The following AOPEP variants were observed in gnomAD, a reference collection of about 807,000 sequenced individuals.
AOPEP encodes aminopeptidase O.
AOPEP carries 77 observed loss-of-function variants against 98.1 expected under a neutral mutation model. That is an observed-to-expected ratio of 0.78 (90% CI 0.65 to 0.95). The LOEUF (loss-of-function observed/expected upper bound fraction) is 0.95, where lower values mean the gene tolerates loss of function less well. Ranked by LOEUF, AOPEP falls within the 40% of genes least tolerant of loss-of-function variation. The pLI, the probability that AOPEP is intolerant of heterozygous loss-of-function variation, is 0.00. For missense variants in AOPEP, 1,024 were observed against 1,024.7 expected, an observed-to-expected ratio of 1.00 and a Z score of 0.01; for synonymous variants, 346 against 365.3, an observed-to-expected ratio of 0.95 and a Z score of 0.60.
At chr9:95,101,047 G>A in the AOPEP span, 82 of 233,938 alleles carry the variant, frequency 3.5e-4, no homozygotes, top group African/African-American at 1.0e-3. Flanking sequence ...TTCGCCTGCC[G>A]GCTCCTCTGA....
chr9:95,019,467 T>C (rs1270895138), intron 13 of AOPEP: 2 of 152,236 alleles, frequency 1.3e-5, no homozygotes, highest in African/African-American at 4.8e-5. Flanking sequence ...TTGAAGTTCC[T>C]TTAAAGGCTG....
At chr9:95,134,895 G>A in the AOPEP span, among the ~76,000 whole-genome samples, 1 of 152,374 alleles carries the variant, frequency 6.6e-6, no homozygotes, top group East Asian at 1.9e-4. Flanking sequence ...ACTTACAGAA[G>A]TCTTAGCTGG....
intron 3 of AOPEP, among the ~76,000 whole-genome samples, chr9:94,792,438 C>T (rs545043502): frequency 2.0e-5 from 3 of 152,114 alleles, no homozygotes; most frequent in East Asian, 3.9e-4. Context: ...ATGAATGAGA[C>T]GTATTCTGTC....
intron 14 of AOPEP, among the ~76,000 whole-genome samples, chr9:95,074,104 T>C (rs1005156687): frequency 2.6e-5 from 4 of 152,156 alleles, no homozygotes; most frequent in Middle Eastern, 3.2e-3. Context: ...AGCCCCATCC[T>C]CATAGCCAGT....
At chr9:94,734,323 A>G (rs1473327261) in intron 1 of AOPEP, among the ~76,000 whole-genome samples, 2 of 152,198 alleles carry the variant, frequency 1.3e-5, no homozygotes, top group Non-Finnish European at 2.9e-5. Context: ...AATGTCCTAC[A>G]GAGAAGGACA....
At position 95,001,181 on chromosome 9, in the gene AOPEP, C is replaced by G. The variant is rs117613121; in HGVS notation, c.1978-3977C>G. On this transcript the variant is annotated intron_variant, in intron 11 of 16. Transcript: ENST00000375315. ...ATTTTTCCAGTGATAGGAGGAATTT[C>G]TTCTTTGTCTAAGAAAAGGAAGAAA... Among the ~76,000 whole-genome samples, 119 of 152,310 alleles carry G rather than the reference C, an allele frequency of 7.8e-4. 3 individuals are homozygous for G. The East Asian group carries it at 0.022, about 29-fold the overall frequency.
In AOPEP at chr9:94,990,638, A is replaced by AATTT. The variant is rs1342926924; in HGVS notation, c.1977+11212_1977+11215dup. ...TAATTAATTAATTAATTAATTAATT[A>AATTT]ATTTCTGAGGTGGAGTTTCACTGTC... On this transcript the variant is annotated intron_variant, in intron 11 of 16. Transcript: ENST00000375315. Among the ~76,000 whole-genome samples the AATTT allele has an allele frequency of 4.8e-4, 68 of 141,126 alleles. 1 individual carries two copies. Among genetic ancestry groups the AATTT allele is most frequent in the African/African-American group, 1.7e-3 (66 of 39,374 alleles). 92.6% of individuals were successfully genotyped at this position (141,126 alleles called of 152,430 possible). A position where few individuals can be genotyped will look rare whatever the true frequency, so the allele number is the denominator to read the frequency against.
At chr9:95,150,078 G>A in the AOPEP span, 47 of 1,613,910 alleles carry the variant, frequency 2.9e-5, no homozygotes, top group East Asian at 1.3e-4. Flanking sequence ...CCACTCGCTC[G>A]GGAGCCATTC....
chr9:94,920,543 T>C (rs2053473253), intron 5 of AOPEP, among the ~76,000 whole-genome samples: 1 of 152,134 alleles, frequency 6.6e-6, no homozygotes, highest in Non-Finnish European at 1.5e-5. Flanking sequence ...AGATGGGCCG[T>C]GCTGGTCAGG....
intron 5 of AOPEP, among the ~76,000 whole-genome samples, chr9:94,805,483 TGTTTTTTG>T (rs1292872158): frequency 2.7e-5 from 4 of 147,458 alleles, no homozygotes; most frequent in African/African-American, 1.1e-4. Flanking sequence ...TTTTGTTTTT[TGTTTTTTG>T]TTTTTTTTTT....
At chr9:94,749,919 T>C (rs1283197007) in intron 1 of AOPEP, among the ~76,000 whole-genome samples, 1 of 96,120 alleles carries the variant, frequency 1.0e-5, no homozygotes, top group Non-Finnish European at 1.9e-5. Flanking sequence ...ATGTCTAGTA[T>C]TATGTTTTAT....
At chr9:95,003,982 CTG>C (rs2061735730) in intron 11 of AOPEP, 1 of 266,016 alleles carries the variant, frequency 3.8e-6, no homozygotes, top group South Asian at 3.7e-5. Context: ...TTAAGCTCCT[CTG>C]TGTAAAATAC....
chr9:94,871,578 G>A (rs1422581673), intron 5 of AOPEP, among the ~76,000 whole-genome samples: 2 of 152,040 alleles, frequency 1.3e-5, no homozygotes, highest in Non-Finnish European at 2.9e-5. Flanking sequence ...TGGCATTCCA[G>A]CACACTTGAA....
chr9:94,917,481 C>T (rs1043066133), intron 5 of AOPEP, among the ~76,000 whole-genome samples: 3 of 152,208 alleles, frequency 2.0e-5, no homozygotes, highest in Non-Finnish European at 2.9e-5. Context: ...GAGCCTTTCC[C>T]TGGCCCCCAT....
At chr9:95,018,537 A>G (rs2063193573) in intron 13 of AOPEP, among the ~76,000 whole-genome samples, 2 of 152,160 alleles carry the variant, frequency 1.3e-5, no homozygotes, top group Non-Finnish European at 2.9e-5. Flanking sequence ...AGTTGTAGCA[A>G]CCTGCTTTTG....
chr9:94,979,551 A>C (rs2060050915), intron 11 of AOPEP, 124 bp downstream of exon 11: 7 of 642,748 alleles, frequency 1.1e-5, no homozygotes, highest in Non-Finnish European at 1.4e-5. Flanking sequence ...ACTGAGTGCA[A>C]GTATCTGTAA....
intron 11 of AOPEP, among the ~76,000 whole-genome samples, chr9:94,992,378 C>T (rs1271597667): frequency 6.6e-6 from 1 of 152,184 alleles, no homozygotes; most frequent in East Asian, 1.9e-4. Context: ...GTATTTTCTG[C>T]TTCTGATCCT....
the AOPEP span, among the ~76,000 whole-genome samples, chr9:95,126,015 C>A: frequency 1.3e-5 from 2 of 152,224 alleles, no homozygotes; most frequent in Admixed American, 6.5e-5. Context: ...GTCTGTAAAT[C>A]TAATGCATTT....
chr9:94,834,812 GCATACATACATA>G (rs960389893), intron 5 of AOPEP, among the ~76,000 whole-genome samples: 21 of 22,160 alleles, frequency 9.5e-4, no homozygotes, highest in Non-Finnish European at 3.1e-3. Flanking sequence ...ATGCATGCAT[GCATACATACATA>G]CATACATACA....
Sources: allele counts gnomAD v4.1 joint callset (sites outside exome capture counted in the v4.1 genomes callset), GRCh38; gene constraint gnomAD v4.1.1; transcripts MANE v1.5; gene names NCBI Gene and HGNC (gene_info 2026-07-23, HGNC 2026-07-21).